The following ASCC2 variants were observed in gnomAD, a reference collection of about 807,000 sequenced individuals.
ASCC2 encodes ASC-1 complex subunit P100.
In ASCC2, 42 loss-of-function variants were observed where a neutral mutation model predicts 93.5. That is an observed-to-expected ratio of 0.45 (90% CI 0.35 to 0.58). The LOEUF is 0.58. Among genes scored for constraint, ASCC2 ranks in the 20% least tolerant of loss-of-function variants. The pLI, the probability that ASCC2 is intolerant of heterozygous loss-of-function variation, is 0.00. For missense variants in ASCC2, 859 were observed against 977.6 expected, an observed-to-expected ratio of 0.88 and a Z score of 1.62; for synonymous variants, 364 against 384.2, an observed-to-expected ratio of 0.95 and a Z score of 0.62.
At chr22:29,833,630 G>C (rs777159384) in intron 1 of ASCC2, 1 of 470,966 alleles carries the variant, frequency 2.1e-6, no homozygotes, top group South Asian at 1.5e-5. Flanking sequence ...CCACAGAAGG[G>C]ACATACGTGT....
intron 5 of ASCC2, chr22:29,822,078 G>GA (rs200334937): frequency 4.4e-4 from 184 of 418,622 alleles, no homozygotes; most frequent in South Asian, 1.1e-3. Flanking sequence ...TGATTCTCCT[G>GA]AAAAAAAACA....
intron 2 of ASCC2, chr22:29,827,508 C>A (rs1331752960): frequency 4.3e-6 from 2 of 463,814 alleles, no homozygotes; most frequent in Non-Finnish European, 4.5e-6. Context: ...CCTGTGGGTA[C>A]CACAAGGATT....
chr22:29,800,523 A>G (rs755364085), intron 15 of ASCC2, among the ~76,000 whole-genome samples: 7 of 152,244 alleles, frequency 4.6e-5, no homozygotes, highest in Non-Finnish European at 8.8e-5. Flanking sequence ...GGAATTTTCA[A>G]TGCCAAAAAA....
intron 15 of ASCC2, among the ~76,000 whole-genome samples, chr22:29,796,252 G>A (rs1035438388): frequency 6.6e-6 from 1 of 152,128 alleles, no homozygotes; most frequent in Admixed American, 6.5e-5. Flanking sequence ...GGGACTACAC[G>A]TGTGTGCCAC....
Position 29,792,453 on chromosome 22 carries a change from C to T in ASCC2, c.2002G>A (p.Ala668Thr). 1 of 1,614,036 alleles carries T rather than the reference C, an allele frequency of 6.2e-7. No homozygotes were observed. The highest frequency in any genetic ancestry group is 2.2e-5 in the East Asian group (1 of 44,864). Reference sequence around the variant, plus strand: ...GGTACCTTGGGAGCCTCCTCGTCAGCATCGTCTTCCTCATCGTCGTCATCC... The same window carrying T: ...GGTACCTTGGGAGCCTCCTCGTCAGTATCGTCTTCCTCATCGTCGTCATCC... ...EEDDDDEEDD[A>T]DEEAPKPDHF... Residue 668 changes from alanine to threonine, a missense_variant, in exon 18 of 20, where the codon GCT (alanine) becomes ACT (threonine). Coordinates refer to ENST00000307790, the MANE Select transcript of ASCC2 (RefSeq NM_032204.5).
chr22:29,838,093 G>C, intron 1 of ASCC2, 85 bp downstream of exon 1: 1 of 450,214 alleles, frequency 2.2e-6, no homozygotes, highest in South Asian at 1.6e-5. Flanking sequence ...CCAGAGGATG[G>C]GAGAGCCAAG....
intron 8 of ASCC2, among the ~76,000 whole-genome samples, chr22:29,812,866 G>A (rs1760862248): frequency 6.6e-6 from 1 of 150,526 alleles, no homozygotes; most frequent in African/African-American, 2.4e-5. Context: ...CTATTGAACT[G>A]AAACTATTCT....
chr22:29,822,454 A>G lies in ASCC2; in HGVS notation c.422T>C (p.Ile141Thr). ...GATTTCTCCAAACGCAGAAGGGGAA[A>G]TGAAGTGATCCTAAGGAAAAATGCA... ...STHKESKDHF[I>T]SPSAFGEILY... The change falls in exon 5 of 20, where the codon ATT becomes ACT. Residue 141 changes from isoleucine (I) to threonine (T), a missense_variant. Physicochemically the swap from Ile to Thr is moderately conservative, Grantham distance 89. Transcript: ENST00000307790. 1 of 1,613,896 alleles carries G rather than the reference A, an allele frequency of 6.2e-7. No individual in the cohort carries two copies. The highest frequency in any genetic ancestry group is 8.5e-7 in the Non-Finnish European group (1 of 1,179,886).
rs964205248 is a variant in ASCC2 at position 29,793,609 on chromosome 22, G to A, written c.1756C>T (p.Arg586Cys). Residue 586 changes from arginine to cysteine, a missense_variant, in exon 16 of 20, where the codon CGC (arginine) becomes TGC (cysteine). Transcript: ENST00000307790. ...DKRAVAAQRQ[R>C]YEQYSVVVEE... is the part of the protein sequence containing the mutation. ...ACCACCACGCTGTACTGCTCGTAGCGCTGCCGCTGTGCCGCCACTGCACGC... is the reference window on the plus strand; with the variant it reads ...ACCACCACGCTGTACTGCTCGTAGCACTGCCGCTGTGCCGCCACTGCACGC... 2.5e-6 allele frequency: 4 copies of A among 1,608,368 alleles called. No individual in the cohort carries two copies. The highest frequency in any genetic ancestry group is 1.3e-5 in the African/African-American group (1 of 74,932).
chr22:29,804,761 T>C lies in ASCC2; in HGVS notation c.1230A>G (p.Lys410=). The change falls in exon 13 of 20, where the codon AAA becomes AAG. Residue 410 remains lysine (K), a synonymous_variant. Transcript: ENST00000307790. ...ESAWEGVDRR[K]ATDAKDPSVI... ...CCGATGGGTCTTTAGCATCTGTGGCTTTCCGTCTGTCCACCCCTTCCCATG... is the reference window on the plus strand; with the variant it reads ...CCGATGGGTCTTTAGCATCTGTGGCCTTCCGTCTGTCCACCCCTTCCCATG... 1.2e-6 allele frequency: 2 copies of C among 1,614,124 alleles called. No individual in the cohort carries two copies. The highest frequency in any genetic ancestry group is 2.2e-5 in the South Asian group (2 of 91,082).
At chr22:29,824,251 TAC>T (rs60849755) in intron 4 of ASCC2, among the ~76,000 whole-genome samples, 15,786 of 146,380 alleles carry the variant, frequency 0.11, 1,014 homozygotes, top group South Asian at 0.25. Context: ...ATTTTTTAAA[TAC>T]ACACACACAC....
intron 2 of ASCC2, among the ~76,000 whole-genome samples, chr22:29,828,943 G>A (rs929481585): frequency 2.0e-5 from 3 of 152,212 alleles, no homozygotes; most frequent in African/African-American, 4.8e-5. Flanking sequence ...CGGAGGCCAA[G>A]TCAGGCCCAT....
intron 1 of ASCC2, chr22:29,832,553 C>T: frequency 2.3e-6 from 1 of 431,226 alleles, no homozygotes; most frequent in Non-Finnish European, 4.1e-6. Flanking sequence ...AGAAGAAATA[C>T]TTCCCCAGAT....
At chr22:29,806,350 G>C (rs1041838758) in intron 11 of ASCC2, 60 bp from the exon 12 acceptor site, 3 of 1,585,710 alleles carry the variant, frequency 1.9e-6, no homozygotes, top group Non-Finnish European at 2.6e-6. Context: ...ATGCTGTGCT[G>C]CTGCAGGCCA....
At chr22:29,823,035 A>AT (rs897777365) in intron 4 of ASCC2, among the ~76,000 whole-genome samples, 8 of 135,756 alleles carry the variant, frequency 5.9e-5, no homozygotes, top group African/African-American at 1.1e-4. Flanking sequence ...TTTAAAAAAA[A>AT]TTTTTTTTTA....
chr22:29,812,739 G>C (rs528320206), intron 8 of ASCC2, among the ~76,000 whole-genome samples: 1 of 152,100 alleles, frequency 6.6e-6, no homozygotes, highest in African/African-American at 2.4e-5. Context: ...CCTGCTATGG[G>C]AACTTTTCTT....
chr22:29,798,443 C>T (rs539799583), intron 15 of ASCC2, among the ~76,000 whole-genome samples: 1 of 152,174 alleles, frequency 6.6e-6, no homozygotes. Flanking sequence ...GAAACAGCTG[C>T]AGCCCCTCTG....
chr22:29,804,976 G>A lies in ASCC2; in HGVS notation c.1161-146C>T, dbSNP rs2059513356. On this transcript the variant is annotated intron_variant, in intron 12 of 19. Transcript: ENST00000307790. ...AGTGGTATAGCCCACGGGCACCTGG[G>A]CTGCATGGAAAAATGGGCCAGACTA... The A allele has an allele frequency of 8.7e-6, 7 of 806,396 alleles. No homozygotes were observed. The East Asian group carries it at 1.8e-4, about 20-fold the overall frequency. The allele number at this position is 806,396 out of a possible 1,614,324, so 50.0% of individuals were successfully genotyped here. A position where few individuals can be genotyped will look rare whatever the true frequency, so the allele number is the denominator to read the frequency against.
chr22:29,798,567 ATGCAAGGGAACAGATTTCCTTACTACT>A (rs1355619022), intron 15 of ASCC2, among the ~76,000 whole-genome samples: 1 of 152,216 alleles, frequency 6.6e-6, no homozygotes, highest in Non-Finnish European at 1.5e-5. Flanking sequence ...CCGCCTTGTC[ATGCAAGGGAACAGATTTCCTTACTACT>A]TAAGCACTGA....
Sources: allele counts gnomAD v4.1 joint callset (sites outside exome capture counted in the v4.1 genomes callset), GRCh38; gene constraint gnomAD v4.1.1; transcripts MANE v1.5; gene names NCBI Gene and HGNC (gene_info 2026-07-23, HGNC 2026-07-21).